Variants in CNTN1 observed in about 807,000 individuals in gnomAD.
CNTN1 encodes contactin-1.
In CNTN1, 38 loss-of-function variants were observed where a neutral mutation model predicts 126.4. The ratio of observed to expected loss-of-function variants is 0.30; its 90% CI spans 0.23 to 0.39. The LOEUF is 0.39. CNTN1 is among the 10% of genes least tolerant of loss of function. CNTN1 has a pLI of 1.00. For missense variants in CNTN1, 1,009 were observed against 1,248.4 expected (o/e 0.81, Z 2.89); for synonymous variants, 413 against 422.6 (o/e 0.98, Z 0.28).
chr12:40,993,784 T>C (rs1475197630), intron 17 of CNTN1, among the ~76,000 whole-genome samples: 1 of 152,176 alleles, frequency 6.6e-6, no homozygotes, highest in Admixed American at 6.6e-5. Flanking sequence ...TGATATTACT[T>C]GGAAATAATT....
chr12:40,927,315 G>T (rs867614114), intron 6 of CNTN1, among the ~76,000 whole-genome samples: 1 of 152,160 alleles, frequency 6.6e-6, no homozygotes, highest in Middle Eastern at 3.4e-3. Flanking sequence ...AAAGAAGATG[G>T]TCTGTTGAGT....
chr12:41,055,520 C>T (rs139214808), intron 23 of CNTN1, among the ~76,000 whole-genome samples: 173 of 152,180 alleles, frequency 1.1e-3, no homozygotes, highest in Non-Finnish European at 1.6e-3. Flanking sequence ...TTTACCACAC[C>T]GTACTACAGT....
At chr12:41,007,679 C>A (rs145919064) in intron 17 of CNTN1, among the ~76,000 whole-genome samples, 179 of 152,272 alleles carry the variant, frequency 1.2e-3, no homozygotes, top group African/African-American at 3.8e-3. Context: ...TCAGGTATGA[C>A]GTTCACACAA....
intron 3 of CNTN1, among the ~76,000 whole-genome samples, chr12:40,915,178 A>G (rs1458734185): frequency 6.6e-6 from 1 of 152,188 alleles, no homozygotes; most frequent in Non-Finnish European, 1.5e-5. Context: ...TTTCATTAAA[A>G]TATGAAAATC....
chr12:40,939,576 T>A, intron 12 of CNTN1, 91 bp downstream of exon 12: 5 of 1,464,346 alleles, frequency 3.4e-6, no homozygotes, highest in Non-Finnish European at 4.7e-6. Flanking sequence ...AATGAAAATG[T>A]TTTTTGCTCT....
chr12:41,043,635 C>T (rs1162345204), intron 23 of CNTN1, among the ~76,000 whole-genome samples: 1 of 152,018 alleles, frequency 6.6e-6, no homozygotes, highest in Non-Finnish European at 1.5e-5. Context: ...TTGACCCAGC[C>T]ATCCCATTAC....
chr12:40,707,536 T>C (rs1415912210), intron 1 of CNTN1, among the ~76,000 whole-genome samples: 1 of 152,148 alleles, frequency 6.6e-6, no homozygotes, highest in Admixed American at 6.5e-5. Flanking sequence ...ACAGGCTTCC[T>C]CTTTCATTTC....
At chr12:40,703,015 G>T (rs1020770786) in intron 1 of CNTN1, among the ~76,000 whole-genome samples, 1 of 149,188 alleles carries the variant, frequency 6.7e-6, no homozygotes, top group African/African-American at 2.5e-5. Flanking sequence ...TAGCCAAGAG[G>T]TATATATATA....
intron 11 of CNTN1, among the ~76,000 whole-genome samples, chr12:40,938,448 AAAG>A (rs1294126354): frequency 6.6e-6 from 1 of 152,210 alleles, no homozygotes; most frequent in Non-Finnish European, 1.5e-5. Flanking sequence ...GTAATTGTAT[AAAG>A]AAGGAGAGAC....
At chr12:40,829,735 A>T (rs1609451) in intron 1 of CNTN1, among the ~76,000 whole-genome samples, 152,053 of 152,208 alleles carry the variant, frequency 1, 75,949 homozygotes, top group Non-Finnish European at 1. Flanking sequence ...GGGAGGGGAA[A>T]AAAGGAAGGA....
In CNTN1 at chr12:40,891,850, T is replaced by C. The variant is rs528614261; in HGVS notation, c.-76-16507T>C. 4.6e-4 allele frequency among the ~76,000 whole-genome samples: 70 copies of C among 152,234 alleles called. 1 individual carries two copies. The South Asian group carries it at 0.014, about 31-fold the overall frequency. On this transcript the variant is annotated intron_variant, in intron 1 of 23. Coordinates refer to ENST00000551295, the MANE Select transcript of CNTN1 (RefSeq NM_001843.4). The stretch of plus-strand genomic sequence containing the variant: ...CAGTGTCCGTCCTCCAGCTTTGCTC[T>C]TTTTCTTCAATATTTTGTTGACTAT...
chr12:40,812,769 G>A (rs1941113364), intron 1 of CNTN1, among the ~76,000 whole-genome samples: 1 of 151,968 alleles, frequency 6.6e-6, no homozygotes, highest in African/African-American at 2.4e-5. Context: ...CTTTGTATGT[G>A]CCCTTAAAGC....
intron 1 of CNTN1, among the ~76,000 whole-genome samples, chr12:40,798,705 CAT>C (rs1411916416): frequency 6.6e-6 from 1 of 151,806 alleles, no homozygotes; most frequent in Non-Finnish European, 1.5e-5. Flanking sequence ...CACATGGACA[CAT>C]AGAGGAGAAC....
intron 20 of CNTN1, among the ~76,000 whole-genome samples, chr12:41,023,849 G>C (rs890021639): frequency 6.6e-6 from 1 of 152,168 alleles, no homozygotes; most frequent in East Asian, 1.9e-4. Context: ...TGTGGAGAAA[G>C]GTTGTTTATT....
At chr12:40,747,641 G>T (rs1318658319) in intron 1 of CNTN1, among the ~76,000 whole-genome samples, 1 of 152,010 alleles carries the variant, frequency 6.6e-6, no homozygotes, top group Non-Finnish European at 1.5e-5. Context: ...ATGGAGAATA[G>T]CTTGCAGAGG....
At chr12:40,937,727 C>A in intron 11 of CNTN1, 40 bp downstream of exon 11, 2 of 1,127,574 alleles carry the variant, frequency 1.8e-6, no homozygotes, top group Non-Finnish European at 2.7e-6. Context: ...ATTGTTAAAG[C>A]AATATGTCAT....
chr12:40,734,543 G>T (rs1942574704), intron 1 of CNTN1, among the ~76,000 whole-genome samples: 1 of 152,062 alleles, frequency 6.6e-6, no homozygotes, highest in Non-Finnish European at 1.5e-5. Flanking sequence ...CTAGTTGTGT[G>T]ATTTGGGACA....
chr12:41,011,362 G>A (rs1948648398), intron 17 of CNTN1, among the ~76,000 whole-genome samples: 1 of 152,184 alleles, frequency 6.6e-6, no homozygotes, highest in South Asian at 2.1e-4. Flanking sequence ...CAAAGTCTCA[G>A]GATCAAAGGA....
chr12:40,895,740 T>C (rs1592218942), intron 1 of CNTN1, among the ~76,000 whole-genome samples: 1 of 150,870 alleles, frequency 6.6e-6, no homozygotes, highest in East Asian at 1.9e-4. Flanking sequence ...TTAATAGTAA[T>C]TCTTGTGCTT....
Sources: allele counts gnomAD v4.1 joint callset (sites outside exome capture counted in the v4.1 genomes callset), GRCh38; gene constraint gnomAD v4.1.1; transcripts MANE v1.5; gene names NCBI Gene and HGNC (gene_info 2026-07-23, HGNC 2026-07-21).